Variants in GRK4 observed in about 807,000 individuals in gnomAD.
The protein encoded by GRK4 is G protein-coupled receptor kinase 4.
GRK4 carries 73 observed loss-of-function variants against 77.9 expected under a neutral mutation model. The observed-to-expected ratio is 0.94, with a 90% CI of 0.78 to 1.14. The LOEUF (loss-of-function observed/expected upper bound fraction) is 1.14, where lower values mean the gene tolerates loss of function less well. GRK4 is among the 50% of genes most tolerant of loss of function. The pLI is 0.00. For synonymous variants in GRK4, 257 were observed against 254.4 expected (o/e 1.01, Z -0.10); for missense variants, 729 against 700.2 (o/e 1.04, Z -0.46).
chr4:3,007,880 G>T (rs372896997), intron 6 of GRK4, 52 bp downstream of exon 6: 1 of 1,230,146 alleles, frequency 8.1e-7, no homozygotes, highest in Non-Finnish European at 1.2e-6. Flanking sequence ...GCACATGCCT[G>T]TAGTCCCAGC....
intron 7 of GRK4, among the ~76,000 whole-genome samples, chr4:3,010,305 C>T (rs2109882662): frequency 6.6e-6 from 1 of 152,276 alleles, no homozygotes; most frequent in East Asian, 1.9e-4. Flanking sequence ...CAGCTCACCA[C>T]AACCTCCGCC....
intron 4 of GRK4, among the ~76,000 whole-genome samples, chr4:3,000,768 C>T (rs961639099): frequency 2.0e-5 from 3 of 151,846 alleles, no homozygotes; most frequent in Non-Finnish European, 2.9e-5. Flanking sequence ...TGGGGTTTCA[C>T]CATGTTGGCC....
At chr4:2,965,424 G>A (rs1011355221) in intron 1 of GRK4, 21 of 703,032 alleles carry the variant, frequency 3.0e-5, no homozygotes, top group Non-Finnish European at 5.2e-5. Flanking sequence ...TTCACACCCC[G>A]TCACTCTTAC....
chr4:2,972,417 G>C (rs937147597), intron 1 of GRK4, among the ~76,000 whole-genome samples: 1 of 152,166 alleles, frequency 6.6e-6, no homozygotes, highest in Non-Finnish European at 1.5e-5. Context: ...CAGCGGGGAC[G>C]TGGAACCAGA....
chr4:2,969,697 G>T (rs1324296546), intron 1 of GRK4, among the ~76,000 whole-genome samples: 6 of 151,336 alleles, frequency 4.0e-5, no homozygotes, highest in Non-Finnish European at 8.8e-5. Flanking sequence ...TTAAAGACAG[G>T]GTCTCACTCT....
At chr4:2,992,154 C>A in intron 3 of GRK4, 61 bp from the exon 4 acceptor site, 1 of 1,164,336 alleles carries the variant, frequency 8.6e-7, no homozygotes, top group Non-Finnish European at 1.3e-6. Flanking sequence ...GCTGGAACTA[C>A]AGGTATGCAC....
intron 1 of GRK4, among the ~76,000 whole-genome samples, chr4:2,970,486 C>T (rs747169818): frequency 1.4e-4 from 21 of 151,732 alleles, no homozygotes; most frequent in Non-Finnish European, 3.1e-4. Context: ...GGTGAAACCC[C>T]GTCTCTACTA....
intron 7 of GRK4, among the ~76,000 whole-genome samples, chr4:3,011,947 C>G (rs566660595): frequency 1.6e-4 from 24 of 152,304 alleles, no homozygotes; most frequent in African/African-American, 5.8e-4. Context: ...GTGGGCAGAC[C>G]CGAGGTCAGG....
chr4:3,038,107 A>G (rs1048081544), intron 14 of GRK4, among the ~76,000 whole-genome samples: 3 of 152,128 alleles, frequency 2.0e-5, no homozygotes, highest in African/African-American at 7.2e-5. Flanking sequence ...CCCACTCCCT[A>G]AGCAGGGCTG....
At chr4:3,036,932 C>T (rs1282558912) in intron 13 of GRK4, among the ~76,000 whole-genome samples, 5 of 152,160 alleles carry the variant, frequency 3.3e-5, no homozygotes, top group Admixed American at 6.5e-5. Flanking sequence ...CACACTTCTC[C>T]GGTTCTGTGC....
At chr4:2,968,102 T>G (rs374810202) in intron 1 of GRK4, among the ~76,000 whole-genome samples, 2 of 152,128 alleles carry the variant, frequency 1.3e-5, no homozygotes, top group African/African-American at 2.4e-5. Flanking sequence ...GTTTTGTTTT[T>G]TTTTTTAATT....
At chr4:3,039,284 C>CT (rs1190681025) in intron 15 of GRK4, among the ~76,000 whole-genome samples, 2 of 152,150 alleles carry the variant, frequency 1.3e-5, no homozygotes, top group African/African-American at 2.4e-5. Flanking sequence ...GTAGACAAGC[C>CT]TTTTTTCCAT....
chr4:3,001,147 A>G (rs1470468045), intron 4 of GRK4, among the ~76,000 whole-genome samples: 5 of 140,030 alleles, frequency 3.6e-5, no homozygotes, highest in Non-Finnish European at 4.6e-5. Flanking sequence ...ATATAGGTAT[A>G]TATGTGTATG....
chr4:3,029,282 A>G lies in GRK4; in HGVS notation c.1142A>G (p.Gln381Arg). 1 of 1,614,098 alleles carries G rather than the reference A, an allele frequency of 6.2e-7. No homozygotes were observed. The highest frequency in any genetic ancestry group is 8.5e-7 in the Non-Finnish European group (1 of 1,179,908). Residue 381 changes from glutamine (Q) to arginine (R), a missense_variant, in exon 12 of 16, where the codon CAG becomes CGG. Physicochemically the swap from Gln to Arg is conservative, Grantham distance 43. Coordinates refer to ENST00000398052, the MANE Select transcript of GRK4 (RefSeq NM_182982.3). ...GGCTGTCTGATCTATGAAATGATTC[A>G]GGGACATTCTCCATTCAAAAAATAC... ...GLGCLIYEMIQGHSPFKKYKE... is the reference protein window; with the variant it reads ...GLGCLIYEMIRGHSPFKKYKE...
chr4:3,037,125 G>T (rs191526643), intron 13 of GRK4, among the ~76,000 whole-genome samples: 1 of 151,320 alleles, frequency 6.6e-6, no homozygotes, highest in Admixed American at 6.6e-5. Flanking sequence ...GAGAGCCAGG[G>T]CATGCAAGGG....
intron 1 of GRK4, among the ~76,000 whole-genome samples, chr4:2,981,957 C>T (rs896312611): frequency 8.5e-5 from 13 of 152,362 alleles, no homozygotes; most frequent in Admixed American, 1.3e-4. Flanking sequence ...GTGTCAGCAC[C>T]GCCCCTATCG....
intron 1 of GRK4, among the ~76,000 whole-genome samples, chr4:2,978,017 T>C (rs762847654): frequency 5.9e-5 from 9 of 152,272 alleles, no homozygotes; most frequent in Non-Finnish European, 8.8e-5. Context: ...ATTTTTTCTT[T>C]TGTAACATGA....
At chr4:2,972,078 G>C (rs1485073827) in intron 1 of GRK4, among the ~76,000 whole-genome samples, 1 of 152,144 alleles carries the variant, frequency 6.6e-6, no homozygotes, top group Non-Finnish European at 1.5e-5. Flanking sequence ...ACCTGTAACA[G>C]GTACCTCTGA....
At chr4:3,006,832 G>A (rs1443253376) in intron 5 of GRK4, among the ~76,000 whole-genome samples, 1 of 152,074 alleles carries the variant, frequency 6.6e-6, no homozygotes, top group African/African-American at 2.4e-5. Flanking sequence ...TGGCAGACAG[G>A]ACAGGCTTGG....
Sources: allele counts gnomAD v4.1 joint callset (sites outside exome capture counted in the v4.1 genomes callset), GRCh38; gene constraint gnomAD v4.1.1; transcripts MANE v1.5; gene names NCBI Gene and HGNC (gene_info 2026-07-23, HGNC 2026-07-21).